The following BIN3 variants were observed in gnomAD, a reference collection of about 807,000 sequenced individuals.
The protein encoded by BIN3 is bridging integrator 3.
A neutral mutation model predicts 38.2 loss-of-function variants in BIN3; 41 were observed. The ratio of observed to expected loss-of-function variants is 1.07; its 90% confidence interval spans 0.84 to 1.39. BIN3 has a LOEUF of 1.39. BIN3 is among the 40% of genes most tolerant of loss of function. The probability of loss-of-function intolerance (pLI) is 0.00; values close to 1 mark genes in which losing one functional copy is unlikely to be tolerated. For synonymous variants in BIN3, 145 were observed against 122.6 expected, an observed-to-expected ratio of 1.18 and a Z score of -1.21; for missense variants, 361 against 324.3, an observed-to-expected ratio of 1.11 and a Z score of -0.87.
intron 2 of BIN3, among the ~76,000 whole-genome samples, chr8:22,638,581 T>C (rs1414663305): frequency 6.6e-6 from 1 of 152,202 alleles, no homozygotes. Flanking sequence ...CTGACTATGA[T>C]GGGCCTTTTG....
At chr8:22,642,944 G>A (rs944908910) in intron 2 of BIN3, among the ~76,000 whole-genome samples, 1 of 152,190 alleles carries the variant, frequency 6.6e-6, no homozygotes, top group Non-Finnish European at 1.5e-5. Flanking sequence ...CCCGCACTGC[G>A]AGTCCTTGCC....
intron 2 of BIN3, among the ~76,000 whole-genome samples, chr8:22,640,783 T>A (rs1208815941): frequency 6.6e-6 from 1 of 151,870 alleles, no homozygotes; most frequent in African/African-American, 2.4e-5. Context: ...TGCTTGGACT[T>A]GTACCGGGAG....
intron 1 of BIN3, among the ~76,000 whole-genome samples, chr8:22,661,888 T>C (rs1803248310): frequency 6.6e-6 from 1 of 152,010 alleles, no homozygotes; most frequent in South Asian, 2.1e-4. Context: ...CCTCCCAGGT[T>C]CAAACGATTC....
At chr8:22,660,716 A>G (rs1247337706) in intron 1 of BIN3, among the ~76,000 whole-genome samples, 1 of 152,236 alleles carries the variant, frequency 6.6e-6, no homozygotes, top group Non-Finnish European at 1.5e-5. Flanking sequence ...TAAATACACA[A>G]AAAATACAGG....
At chr8:22,622,527 C>G (rs1174902794) in intron 8 of BIN3, 1 of 152,450 alleles carries the variant, frequency 6.6e-6, no homozygotes, top group Non-Finnish European at 1.5e-5. Context: ...CGCTGAGTCA[C>G]TGGGAATACT....
rs185108042 is a variant in BIN3, at chr8:22,654,330, A to C, written c.9-9527T>G. Among the ~76,000 whole-genome samples the C allele has an allele frequency of 7.2e-5, 11 of 152,322 alleles. No individual in the cohort carries two copies. In the East Asian group the frequency reaches 2.1e-3, roughly 29 times the overall value. ...ATTCAATCTGTCATCTTTACTCAGAATCTGGTTTATTTTTAAATAACATAC... is the reference window on the plus strand; with the variant it reads ...ATTCAATCTGTCATCTTTACTCAGACTCTGGTTTATTTTTAAATAACATAC... On this transcript the variant is annotated intron_variant, in intron 1 of 8. Transcript: ENST00000276416.
intron 1 of BIN3, among the ~76,000 whole-genome samples, chr8:22,661,904 C>T (rs1803248577): frequency 6.6e-6 from 1 of 151,726 alleles, no homozygotes; most frequent in South Asian, 2.1e-4. Flanking sequence ...GATTCTCCTG[C>T]CTCAGCCTCT....
intron 1 of BIN3, among the ~76,000 whole-genome samples, chr8:22,666,443 A>G (rs1480231436): frequency 6.6e-6 from 1 of 151,952 alleles, no homozygotes; most frequent in Non-Finnish European, 1.5e-5. Flanking sequence ...AGCGAGAGAG[A>G]GAGAAGCATT....
chr8:22,629,971 A>G lies in BIN3; in HGVS notation c.331T>C (p.Leu111=). The change falls in exon 6 of 9, where the codon TTA becomes CTA. Residue 111 remains leucine, a synonymous_variant. Transcript: ENST00000276416. ...NQIQKTVIEP[L]KKFGSVFPSL... ...CAGGTGACATTTACTCACTTTTTTA[A>G]GGGCTCGATCACAGTCTTCTGGATC... 6.2e-7 allele frequency: 1 copy of G among 1,608,716 alleles called. No homozygotes were observed. Among genetic ancestry groups the G allele is most frequent in the Non-Finnish European group, 8.5e-7 (1 of 1,177,312 alleles).
At chr8:22,622,849 AAG>A (rs1417398120) in intron 8 of BIN3, among the ~76,000 whole-genome samples, 1 of 152,200 alleles carries the variant, frequency 6.6e-6, no homozygotes. Context: ...CCTCCTGCAG[AAG>A]GCTCTAGGTC....
intron 1 of BIN3, among the ~76,000 whole-genome samples, chr8:22,657,556 G>A (rs912688063): frequency 6.6e-6 from 1 of 152,238 alleles, no homozygotes; most frequent in Non-Finnish European, 1.5e-5. Context: ...GAAAGGAGAA[G>A]AGGCTGCTGG....
At chr8:22,657,865 G>A (rs1803104969) in intron 1 of BIN3, among the ~76,000 whole-genome samples, 1 of 152,238 alleles carries the variant, frequency 6.6e-6, no homozygotes, top group Non-Finnish European at 1.5e-5. Context: ...AGGGCATGGG[G>A]CAACAGCGAC....
intron 6 of BIN3, chr8:22,625,334 G>C: frequency 1.4e-6 from 1 of 702,578 alleles, no homozygotes. Context: ...CAGTGTCCAG[G>C]ATCAGGCTGC....
rs1247899699 is a variant in BIN3, at chr8:22,629,858, A to G, written c.338+106T>C. ...CCCACTGAGTTTCCCGTCAGGCCCC[A>G]TGGGAATCTGGGGACACGCAGCTAG... On this transcript the variant is annotated intron_variant, in intron 6 of 8. Transcript: ENST00000276416. 7.8e-6 allele frequency: 9 copies of G among 1,154,066 alleles called. No individual in the cohort carries two copies. The East Asian group carries it at 1.0e-4, about 13-fold the overall frequency. The allele number at this position is 1,154,066 out of a possible 1,614,324, so 71.5% of individuals were successfully genotyped here. A position where few individuals can be genotyped will look rare whatever the true frequency, so the allele number is the denominator to read the frequency against.
intron 1 of BIN3, among the ~76,000 whole-genome samples, chr8:22,664,307 C>T (rs982117131): frequency 2.0e-5 from 3 of 152,216 alleles, no homozygotes; most frequent in African/African-American, 2.4e-5. Flanking sequence ...TCTCATTAAA[C>T]GCCTGAAATA....
chr8:22,667,102 AG>A (rs1563173571), intron 1 of BIN3, among the ~76,000 whole-genome samples: 1 of 152,194 alleles, frequency 6.6e-6, no homozygotes, highest in African/African-American at 2.4e-5. Context: ...AAGCCCTTTA[AG>A]GGGGAAGAGA....
chr8:22,626,549 C>T (rs1802010938), intron 6 of BIN3: 1 of 152,286 alleles, frequency 6.6e-6, no homozygotes, highest in Non-Finnish European at 1.5e-5. Context: ...TTAGAAGCCA[C>T]CTGCTGCTTG....
intron 1 of BIN3, among the ~76,000 whole-genome samples, chr8:22,649,501 GA>G (rs1802815304): frequency 1.3e-5 from 2 of 152,102 alleles, no homozygotes; most frequent in Admixed American, 1.3e-4. Flanking sequence ...AAAGGAGAGG[GA>G]AAAACCCAGC....
At chr8:22,668,604 G>C (rs921857240) in intron 1 of BIN3, among the ~76,000 whole-genome samples, 6 of 152,236 alleles carry the variant, frequency 3.9e-5, no homozygotes, top group African/African-American at 1.4e-4. Context: ...TAGTTACCCA[G>C]AAGGGAGTGG....
Sources: allele counts gnomAD v4.1 joint callset (sites outside exome capture counted in the v4.1 genomes callset), GRCh38; gene constraint gnomAD v4.1.1; transcripts MANE v1.5; gene names NCBI Gene and HGNC (gene_info 2026-07-23, HGNC 2026-07-21).